Variants in FLI1 observed in about 807,000 individuals in gnomAD.
FLI1 encodes Fli-1 proto-oncogene, ETS transcription factor.
FLI1 carries 13 observed loss-of-function variants against 53.1 expected under a neutral mutation model. The observed-to-expected ratio is 0.24, with a 90% confidence interval of 0.16 to 0.39. The LOEUF is 0.39. FLI1 is among the 10% of genes least tolerant of loss of function. The probability of loss-of-function intolerance (pLI) is 1.00; values close to 1 mark genes in which losing one functional copy is unlikely to be tolerated. For missense variants in FLI1, 424 were observed against 600.5 expected, an observed-to-expected ratio of 0.71 and a Z score of 3.07; for synonymous variants, 244 against 236.7, an observed-to-expected ratio of 1.03 and a Z score of -0.28.
intron 5 of FLI1, among the ~76,000 whole-genome samples, chr11:128,789,580 C>A (rs1489233253): frequency 6.6e-6 from 1 of 152,144 alleles, no homozygotes. Context: ...TTTCTCCGGG[C>A]GAAGAGTTTC....
chr11:128,764,049 T>C (rs1356908996), intron 2 of FLI1, among the ~76,000 whole-genome samples: 1 of 152,194 alleles, frequency 6.6e-6, no homozygotes, highest in Non-Finnish European at 1.5e-5. Context: ...AGGCCTCACT[T>C]TGGCCACGTG....
intron 1 of FLI1, chr11:128,686,729 G>A: frequency 3.0e-6 from 1 of 329,942 alleles, no homozygotes; most frequent in Non-Finnish European, 6.1e-6. Flanking sequence ...CTTTAAACAG[G>A]TGATGACCCC....
chr11:128,799,356 G>A (rs969263011), intron 5 of FLI1, among the ~76,000 whole-genome samples: 7 of 152,114 alleles, frequency 4.6e-5, no homozygotes, highest in African/African-American at 1.7e-4. Flanking sequence ...ACCAAGATAA[G>A]CATGGTAGAG....
intron 5 of FLI1, among the ~76,000 whole-genome samples, chr11:128,783,029 G>T (rs1287274927): frequency 6.6e-6 from 1 of 152,154 alleles, no homozygotes; most frequent in African/African-American, 2.4e-5. Flanking sequence ...CACAGAGGAG[G>T]GGACTTTTGA....
At chr11:128,742,233 C>T (rs1426350474) in intron 1 of FLI1, among the ~76,000 whole-genome samples, 1 of 152,186 alleles carries the variant, frequency 6.6e-6, no homozygotes. Context: ...CCACAATTCT[C>T]CTAATCTCAT....
Position 128,810,406 on chromosome 11 carries a change from C to A in FLI1, c.830-53C>A, listed in dbSNP as rs1023287783. ...CCTGCATTTAGGGAACTGGGTTCTG[C>A]CTTCTCTGGGCTGAGGTGTTCTGTT... On this transcript the variant is annotated intron_variant, in intron 8 of 8. Transcript: ENST00000527786. This position sits in a 1 kb window ranked among gnomAD's most constrained non-coding sequence, Gnocchi z 6.6. The A allele has an allele frequency of 2.0e-6, 3 of 1,513,716 alleles. No individual in the cohort carries two copies. The highest frequency in any genetic ancestry group is 1.8e-6 in the Non-Finnish European group (2 of 1,129,988). The allele number at this position is 1,513,716 out of a possible 1,614,324, so 93.8% of individuals were successfully genotyped here.
Position 128,781,953 on chromosome 11 carries a change from C to G in FLI1, c.590-5C>G. 6.2e-7 allele frequency: 1 copy of G among 1,612,874 alleles called. No individual in the cohort carries two copies. The highest frequency in any genetic ancestry group is 1.3e-5 in the African/African-American group (1 of 75,014). On this transcript the variant is annotated splice_region_variant and splice_polypyrimidine_tract_variant and intron_variant, in intron 4 of 8. Transcript: ENST00000527786. ...GTTATAACCTGTTTATGTTTTGCCTCTCAGGTTCACTGCTGGCCTATAATA... is the reference window on the plus strand; with the variant it reads ...GTTATAACCTGTTTATGTTTTGCCTGTCAGGTTCACTGCTGGCCTATAATA...
At chr11:128,722,200 G>A (rs575502534) in intron 1 of FLI1, among the ~76,000 whole-genome samples, 5 of 152,194 alleles carry the variant, frequency 3.3e-5, no homozygotes, top group Non-Finnish European at 7.3e-5. Flanking sequence ...TTTGACACAC[G>A]ACTATATGAC....
At chr11:128,747,076 T>C (rs1940427700) in intron 1 of FLI1, among the ~76,000 whole-genome samples, 2 of 152,140 alleles carry the variant, frequency 1.3e-5, no homozygotes, top group South Asian at 4.1e-4. Context: ...GGCGGCACCA[T>C]CACTGGGATC....
At chr11:128,781,907 T>G in intron 4 of FLI1, 51 bp from the exon 5 acceptor site, 1 of 1,436,928 alleles carries the variant, frequency 7.0e-7, no homozygotes. Context: ...CTCCTACTCT[T>G]GATCTCAGAA....
At chr11:128,686,354 G>C (rs1327634604), upstream of FLI1, 2 of 456,262 alleles carry the variant, frequency 4.4e-6, no homozygotes, top group Non-Finnish European at 8.8e-6. Flanking sequence ...GTCTGATTTC[G>C]GGCAGGGGAG....
In FLI1 at chr11:128,810,502, C is replaced by G. The variant is rs1565512817; in HGVS notation, c.873C>G (p.Leu291=). 4 of 1,605,636 alleles carry G rather than the reference C, an allele frequency of 2.5e-6. No homozygotes were observed. The highest frequency in any genetic ancestry group is 2.2e-5 in the East Asian group (1 of 44,472). Residue 291 remains leucine (L), a synonymous_variant, in exon 9 of 9, where the codon CTC becomes CTG. Transcript: ENST00000527786. The surrounding 1 kb of genome is among the most constrained non-coding windows in gnomAD (Gnocchi z 6.6). ...IQLWQFLLEL[L]SDSANASCIT... is the part of the protein sequence containing the mutation. ...TGTGGCAATTCCTCCTGGAGCTGCTCTCCGACAGCGCCAACGCCAGCTGTA... is the reference window on the plus strand; with the variant it reads ...TGTGGCAATTCCTCCTGGAGCTGCTGTCCGACAGCGCCAACGCCAGCTGTA...
intron 5 of FLI1, among the ~76,000 whole-genome samples, chr11:128,795,830 G>A (rs916487971): frequency 7.2e-5 from 11 of 152,198 alleles, no homozygotes; most frequent in Non-Finnish European, 1.2e-4. Flanking sequence ...GATTACAGGC[G>A]TGAGCCACTG....
Position 128,811,591 on chromosome 11 carries a change from G to A in FLI1, c.*603G>A, listed in dbSNP as rs935465715. ...CAGAATCCCTCTCAGTGGACAGTAT[G>A]CACTCAGCTGACCACTCTCTCTAGA... On this transcript the variant is annotated 3_prime_UTR_variant, in exon 9 of 9. Transcript: ENST00000527786. 4.1e-5 allele frequency: 9 copies of A among 217,890 alleles called. No individual in the cohort carries two copies. In the East Asian group the frequency reaches 6.1e-4, roughly 15 times the overall value. The allele number at this position is 217,890 out of a possible 1,614,324, so 13.5% of individuals were successfully genotyped here.
intron 1 of FLI1, among the ~76,000 whole-genome samples, chr11:128,734,181 T>C (rs891745419): frequency 1.0e-3 from 155 of 152,190 alleles, no homozygotes; most frequent in Admixed American, 2.6e-4. Context: ...GGGGAAGCTA[T>C]AGAAAGGAAA....
intron 1 of FLI1, among the ~76,000 whole-genome samples, chr11:128,731,143 C>T (rs76565651): frequency 0.013 from 2,010 of 152,356 alleles, 22 homozygotes; most frequent in Non-Finnish European, 0.018. Context: ...TCCTGTTGCT[C>T]TTGCAGCTTG....
chr11:128,754,263 G>C (rs2135801480), intron 1 of FLI1, among the ~76,000 whole-genome samples: 1 of 152,012 alleles, frequency 6.6e-6, no homozygotes, highest in East Asian at 1.9e-4. Context: ...GTGTGTGTGT[G>C]TGTGTGTGTG....
At chr11:128,708,695 C>T (rs1262462242) in intron 1 of FLI1, among the ~76,000 whole-genome samples, 1 of 152,204 alleles carries the variant, frequency 6.6e-6, no homozygotes, top group Admixed American at 6.5e-5. Flanking sequence ...GAATTAATTA[C>T]TACACTTTGA....
At chr11:128,801,764 C>G (rs1320965090) in intron 5 of FLI1, among the ~76,000 whole-genome samples, 1 of 152,172 alleles carries the variant, frequency 6.6e-6, no homozygotes, top group Non-Finnish European at 1.5e-5. Flanking sequence ...CAAGTTTATT[C>G]ATTCAACAAA....
Sources: gnomAD v4.1 joint callset for allele counts (sites outside exome capture counted in the v4.1 genomes callset) on GRCh38, gnomAD v4.1.1 for gene constraint, Gnocchi (gnomAD v3.1) non-coding constraint, MANE v1.5 for transcripts, NCBI Gene and HGNC (gene_info 2026-07-23, HGNC 2026-07-21) for gene names.